CDK14: variants seen among roughly 807,000 people sequenced by gnomAD.
CDK14 encodes the protein cyclin dependent kinase 14, also known as cyclin-dependent kinase 14.
CDK14 carries 34 observed loss-of-function variants against 60.7 expected under a neutral mutation model. The ratio of observed to expected loss-of-function variants is 0.56; its 90% confidence interval spans 0.43 to 0.75. CDK14 has a LOEUF of 0.75. CDK14 is among the 30% of genes least tolerant of loss of function. The probability of loss-of-function intolerance (pLI) is 0.00; values close to 1 mark genes in which losing one functional copy is unlikely to be tolerated. For synonymous variants in CDK14, 197 were observed against 203.7 expected (o/e 0.97, Z 0.28); for missense variants, 482 against 564.1 (o/e 0.85, Z 1.47).
chr7:91,191,400 T>C (rs1209436758), intron 14 of CDK14, among the ~76,000 whole-genome samples: 2 of 151,914 alleles, frequency 1.3e-5, no homozygotes, highest in African/African-American at 4.8e-5. Context: ...ATGAAAAAAG[T>C]TTAAATTTCA....
At chr7:90,971,380 G>C (rs1794926569) in intron 9 of CDK14, among the ~76,000 whole-genome samples, 1 of 152,016 alleles carries the variant, frequency 6.6e-6, no homozygotes, top group African/African-American at 2.4e-5. Context: ...GGGGATCAGG[G>C]GAGGCTTCAC....
intron 3 of CDK14, among the ~76,000 whole-genome samples, chr7:90,731,707 T>G (rs1026177587): frequency 6.6e-6 from 1 of 152,136 alleles, no homozygotes; most frequent in Non-Finnish European, 1.5e-5. Flanking sequence ...TGAGACTTTG[T>G]TGAAGTTGCT....
At chr7:90,735,390 T>C (rs1330156690) in intron 3 of CDK14, among the ~76,000 whole-genome samples, 1 of 152,194 alleles carries the variant, frequency 6.6e-6, no homozygotes, top group Non-Finnish European at 1.5e-5. Context: ...GATGTTTAAG[T>C]TCTGCTGAAG....
intron 14 of CDK14, among the ~76,000 whole-genome samples, chr7:91,124,671 C>T (rs989699904): frequency 1.3e-5 from 2 of 151,464 alleles, no homozygotes; most frequent in Non-Finnish European, 2.9e-5. Flanking sequence ...TGGTGAGGGG[C>T]GGGGGGAATA....
intron 9 of CDK14, among the ~76,000 whole-genome samples, chr7:90,965,993 G>GGT (rs1269356098): frequency 6.6e-6 from 1 of 152,020 alleles, no homozygotes; most frequent in African/African-American, 2.4e-5. Flanking sequence ...ATATTGCCTT[G>GGT]GTAGTATCTT....
chr7:90,837,162 T>G (rs10487985), intron 5 of CDK14, among the ~76,000 whole-genome samples: 4,516 of 152,266 alleles, frequency 0.03, 82 homozygotes, highest in African/African-American at 0.056. Context: ...ATGGCAATGA[T>G]TATTCCTGGG....
At chr7:90,653,003 T>A (rs1800676454) in intron 2 of CDK14, among the ~76,000 whole-genome samples, 1 of 152,204 alleles carries the variant, frequency 6.6e-6, no homozygotes, top group Admixed American at 6.5e-5. Flanking sequence ...CTGGGTTGGC[T>A]GACCTGTGTG....
intron 10 of CDK14, among the ~76,000 whole-genome samples, chr7:91,027,332 C>G (rs1288631560): frequency 6.6e-6 from 1 of 152,184 alleles, no homozygotes; most frequent in Non-Finnish European, 1.5e-5. Flanking sequence ...GATTGTAATA[C>G]TGACAATTAC....
chr7:90,940,479 C>G (rs1793887371), intron 8 of CDK14, among the ~76,000 whole-genome samples: 1 of 152,052 alleles, frequency 6.6e-6, no homozygotes, highest in Admixed American at 6.6e-5. Flanking sequence ...GCCCGTAAGT[C>G]TTTGTATGTA....
intron 2 of CDK14, among the ~76,000 whole-genome samples, chr7:90,671,550 G>A (rs1253943596): frequency 1.3e-5 from 2 of 152,138 alleles, no homozygotes; most frequent in Admixed American, 6.5e-5. Context: ...AAATCTGTGT[G>A]GCAGTCGAGA....
At chr7:91,114,393 G>A (rs531398381) in intron 13 of CDK14, among the ~76,000 whole-genome samples, 12 of 152,258 alleles carry the variant, frequency 7.9e-5, no homozygotes, top group African/African-American at 1.2e-4. Flanking sequence ...CCTTGTCCCC[G>A]TCATTAACAA....
intron 7 of CDK14, among the ~76,000 whole-genome samples, chr7:90,902,492 A>G (rs1330904834): frequency 6.6e-6 from 1 of 152,136 alleles, no homozygotes; most frequent in Non-Finnish European, 1.5e-5. Context: ...GGTGTCAAGG[A>G]CATACTTTGG....
At chr7:91,152,216 G>C (rs879863542) in intron 14 of CDK14, among the ~76,000 whole-genome samples, 2 of 152,192 alleles carry the variant, frequency 1.3e-5, no homozygotes, top group Non-Finnish European at 2.9e-5. Context: ...ATTTAGAATA[G>C]AGTGGGGAAG....
chr7:91,100,850 G>T (rs1041330746), intron 12 of CDK14, among the ~76,000 whole-genome samples: 10 of 152,194 alleles, frequency 6.6e-5, no homozygotes, highest in Admixed American at 2.0e-4. Context: ...GAATGTCAGT[G>T]CTAGCATTTT....
intron 8 of CDK14, among the ~76,000 whole-genome samples, chr7:90,930,617 A>G (rs1793564821): frequency 6.6e-6 from 1 of 150,628 alleles, no homozygotes; most frequent in African/African-American, 2.5e-5. Flanking sequence ...ACTGAATTCA[A>G]CATTTGTAAG....
At chr7:90,771,871 G>A (rs544542260) in intron 4 of CDK14, among the ~76,000 whole-genome samples, 5 of 152,302 alleles carry the variant, frequency 3.3e-5, no homozygotes, top group South Asian at 2.1e-4. Flanking sequence ...CTGGGAACCC[G>A]TTCCTGTCTG....
At chr7:90,734,953 C>T (rs1318508635) in intron 3 of CDK14, among the ~76,000 whole-genome samples, 1 of 152,126 alleles carries the variant, frequency 6.6e-6, no homozygotes, top group Non-Finnish European at 1.5e-5. Context: ...ATGGATTTAC[C>T]TACCTTTGGT....
chr7:90,819,149 C>A (rs1261824429), intron 5 of CDK14, among the ~76,000 whole-genome samples: 1 of 151,986 alleles, frequency 6.6e-6, no homozygotes, highest in African/African-American at 2.4e-5. Flanking sequence ...CATTGGAGAG[C>A]AATATATGGC....
intron 2 of CDK14, among the ~76,000 whole-genome samples, chr7:90,627,218 AT>A (rs113422746): frequency 0.023 from 3,426 of 145,866 alleles, 44 homozygotes; most frequent in Non-Finnish European, 0.029. Flanking sequence ...GTCAGCACAG[AT>A]TTTTTTTTTT....
Sources: allele counts gnomAD v4.1 joint callset (sites outside exome capture counted in the v4.1 genomes callset), GRCh38; gene constraint gnomAD v4.1.1; transcripts MANE v1.5; gene names NCBI Gene and HGNC (gene_info 2026-07-23, HGNC 2026-07-21).